Variants in CHID1 observed in about 807,000 individuals in gnomAD.
CHID1 encodes chitinase domain containing 1, also known as chitinase domain-containing protein 1.
A neutral mutation model predicts 55.4 loss-of-function variants in CHID1; 44 were observed. The ratio of observed to expected loss-of-function variants is 0.79; its 90% CI spans 0.62 to 1.02. The LOEUF (loss-of-function observed/expected upper bound fraction) is 1.02. Ranked by LOEUF, CHID1 falls within the 50% of genes least tolerant of loss-of-function variation. CHID1 has a pLI of 0.00. For missense variants in CHID1, 491 were observed against 515.3 expected, an observed-to-expected ratio of 0.95 and a Z score of 0.46; for synonymous variants, 216 against 212.9, an observed-to-expected ratio of 1.01 and a Z score of -0.13.
chr11:901,302 G>A (rs561284169), intron 4 of CHID1, among the ~76,000 whole-genome samples: 4 of 152,284 alleles, frequency 2.6e-5, no homozygotes, highest in East Asian at 1.9e-4. Context: ...GCCTGGGGAC[G>A]GTCAGGGTTT....
chr11:882,962 C>T (rs541055776), intron 10 of CHID1, 186 bp downstream of exon 10: 160 of 609,038 alleles, frequency 2.6e-4, no homozygotes, highest in Non-Finnish European at 4.0e-4. Context: ...TGGGTGGTGA[C>T]CACAGTGGGG....
intron 8 of CHID1, among the ~76,000 whole-genome samples, chr11:890,895 C>T (rs1850764527): frequency 6.6e-6 from 1 of 152,176 alleles, no homozygotes; most frequent in East Asian, 1.9e-4. Flanking sequence ...GACTGGGGTG[C>T]CCCTCCCCGC....
intron 4 of CHID1, 150 bp downstream of exon 4, chr11:902,048 T>G (rs1851853616): frequency 6.2e-6 from 5 of 802,776 alleles, no homozygotes; most frequent in African/African-American, 1.7e-5. Context: ...CACACTCACA[T>G]TCACACTTAA....
At chr11:883,950 T>G in intron 9 of CHID1, 118 bp downstream of exon 9, 1 of 796,686 alleles carries the variant, frequency 1.3e-6, no homozygotes, top group Non-Finnish European at 2.1e-6. Flanking sequence ...GCAGGTGACC[T>G]TGTGCACAGA....
intron 5 of CHID1, 39 bp from the exon 6 acceptor site, chr11:900,149 G>A (rs1442543041): frequency 4.6e-6 from 7 of 1,507,708 alleles, no homozygotes; most frequent in Non-Finnish European, 6.4e-6. Context: ...CCGTGACTGG[G>A]AGATGCTGGA....
At chr11:902,462 T>A in intron 3 of CHID1, 132 bp from the exon 4 acceptor site, 1 of 970,500 alleles carries the variant, frequency 1.0e-6, no homozygotes, top group Non-Finnish European at 1.5e-6. Context: ...CGGACTGACA[T>A]CAGCTCCTGG....
intron 1 of CHID1, among the ~76,000 whole-genome samples, chr11:907,524 T>A (rs554066307): frequency 6.6e-6 from 1 of 151,364 alleles, no homozygotes; most frequent in Non-Finnish European, 1.5e-5. Context: ...TTCACTGGGG[T>A]TGGGGGCAGC....
In CHID1 at chr11:903,081, G is replaced by A; in HGVS notation, c.142C>T (p.Arg48Trp). Residue 48 changes from arginine to tryptophan, a missense_variant, in exon 3 of 13, where the codon CGG becomes TGG. Arg to Trp is a moderately radical substitution (Grantham distance 101). Transcript: ENST00000323578. ...SQFSDKPVQD[R>W]GLVVTDLKAE... ...TTGAGGTCCGTCACCACCAAACCCCGGTCTTGCACCGGCTTATCTGAAAAC... is the reference window on the plus strand; with the variant it reads ...TTGAGGTCCGTCACCACCAAACCCCAGTCTTGCACCGGCTTATCTGAAAAC... The A allele has an allele frequency of 1.7e-5, 27 of 1,612,838 alleles. No individual in the cohort carries two copies. The highest frequency in any genetic ancestry group is 3.3e-5 in the South Asian group (3 of 91,086).
intron 7 of CHID1, among the ~76,000 whole-genome samples, chr11:895,744 C>A (rs9704267): frequency 6.6e-6 from 1 of 151,992 alleles, no homozygotes. Flanking sequence ...TGGCACAATG[C>A]GGGCTGGGGT....
At chr11:910,901 G>C, upstream of CHID1, 2 of 984,528 alleles carry the variant, frequency 2.0e-6, no homozygotes, top group Non-Finnish European at 1.2e-6. Context: ...AGAGGGGCTG[G>C]GCCAGGACAG....
At chr11:893,771 C>G (rs1851029767) in intron 7 of CHID1, among the ~76,000 whole-genome samples, 1 of 152,136 alleles carries the variant, frequency 6.6e-6, no homozygotes, top group South Asian at 2.1e-4. Context: ...GAAAGAGGGG[C>G]TCCAACAACC....
intron 10 of CHID1, among the ~76,000 whole-genome samples, chr11:880,585 C>A (rs1435766072): frequency 6.6e-6 from 1 of 152,168 alleles, no homozygotes; most frequent in Non-Finnish European, 1.5e-5. Context: ...GCAGGGAACA[C>A]TGCCCCAACA....
At chr11:878,901 C>T (rs1233801030) in intron 10 of CHID1, among the ~76,000 whole-genome samples, 2 of 151,984 alleles carry the variant, frequency 1.3e-5, no homozygotes, top group Non-Finnish European at 2.9e-5. Flanking sequence ...GGCTGGAGTG[C>T]AGTGGTGCGA....
intron 6 of CHID1, 141 bp from the exon 7 acceptor site, chr11:899,542 G>A (rs1851644580): frequency 2.8e-6 from 2 of 709,072 alleles, no homozygotes; most frequent in South Asian, 1.7e-5. Flanking sequence ...TGGGCTGTAT[G>A]CCCAGAAGGG....
chr11:889,057 G>A (rs575152448), intron 8 of CHID1, among the ~76,000 whole-genome samples: 1 of 152,290 alleles, frequency 6.6e-6, no homozygotes, highest in Non-Finnish European at 1.5e-5. Context: ...CTGCCCAGCT[G>A]GCTGCCTCAC....
chr11:884,233 C>A, intron 8 of CHID1, 64 bp from the exon 9 acceptor site: 1 of 1,340,602 alleles, frequency 7.5e-7, no homozygotes, highest in South Asian at 1.2e-5. Flanking sequence ...TCCCCAGCTG[C>A]GGTTCGAGCA....
At chr11:885,492 T>G (rs954144082) in intron 8 of CHID1, among the ~76,000 whole-genome samples, 1 of 152,166 alleles carries the variant, frequency 6.6e-6, no homozygotes, top group Non-Finnish European at 1.5e-5. Flanking sequence ...CCTCTTTTCC[T>G]GATGCCTGCC....
Position 869,738 on chromosome 11 carries a change from C to T in CHID1, c.*120G>A, listed in dbSNP as rs112549268. ...GGAGTCACATGGTGCCCAGGACCCC[C>T]GACTGAGGACTGCAGCAGACCCGTC... is the stretch of plus-strand genomic sequence containing the variant. On this transcript the variant is annotated 3_prime_UTR_variant, in exon 13 of 13. Transcript: ENST00000323578. 6.4e-4 allele frequency: 557 copies of T among 874,508 alleles called. 2 individuals are homozygous for T. The African/African-American group carries it at 6.7e-3, about 10-fold the overall frequency. The allele number at this position is 874,508 out of a possible 1,614,324, so 54.2% of individuals were successfully genotyped here. A position where few individuals can be genotyped will look rare whatever the true frequency, so the allele number is the denominator to read the frequency against.
Position 869,577 on chromosome 11 carries a change from G to A in CHID1, c.*281C>T, listed in dbSNP as rs1384390426. 3.7e-6 allele frequency: 2 copies of A among 544,542 alleles called. No homozygotes were observed. The highest frequency in any genetic ancestry group is 3.8e-5 in the African/African-American group (2 of 52,732). 33.7% of individuals were successfully genotyped at this position (544,542 alleles called of 1,614,324 possible). A position where few individuals can be genotyped will look rare whatever the true frequency, so the allele number is the denominator to read the frequency against. The stretch of plus-strand genomic sequence containing the variant: ...AAGGCCTGAGCCAGGCTGTCCTGGT[G>A]GGGCAGGTACTGTGGGCCCCGCCTG... On this transcript the variant is annotated 3_prime_UTR_variant, in exon 13 of 13. Transcript: ENST00000323578.
Sources: gnomAD v4.1 joint callset for allele counts (sites outside exome capture counted in the v4.1 genomes callset) on GRCh38, gnomAD v4.1.1 for gene constraint, MANE v1.5 for transcripts, NCBI Gene and HGNC (gene_info 2026-07-23, HGNC 2026-07-21) for gene names.